NEDD4: variants seen among roughly 807,000 people sequenced by gnomAD.
The protein encoded by NEDD4 is NEDD4 E3 ubiquitin protein ligase, also known as E3 ubiquitin-protein ligase NEDD4.
NEDD4 carries 99 observed loss-of-function variants against 144.9 expected under a neutral mutation model. The observed-to-expected ratio is 0.68, with a 90% CI of 0.58 to 0.81. The LOEUF (loss-of-function observed/expected upper bound fraction) is 0.81. NEDD4 is among the 30% of genes least tolerant of loss of function. The pLI is 0.00. For missense variants in NEDD4, 985 were observed against 1,065.9 expected (o/e 0.92, Z 1.06); for synonymous variants, 318 against 350.6 (o/e 0.91, Z 1.04).
rs113222787 is a variant in NEDD4 at position 55,889,606 on chromosome 15, A to G, written c.292-15598T>C. 4.7e-3 allele frequency among the ~76,000 whole-genome samples: 714 copies of G among 152,330 alleles called. 2 individuals are homozygous for G. The highest frequency in any genetic ancestry group is 7.7e-3 in the Non-Finnish European group (527 of 68,030). ...GGGTAGGGAGAAGTAGAGATAAGTAATGGCTACACAAAAAAGAATAAATAA... is the reference window on the plus strand; with the variant it reads ...GGGTAGGGAGAAGTAGAGATAAGTAGTGGCTACACAAAAAAGAATAAATAA... On this transcript the variant is annotated intron_variant, in intron 5 of 28. Coordinates refer to ENST00000435532, the MANE Select transcript of NEDD4 (RefSeq NM_006154.4).
intron 5 of NEDD4, among the ~76,000 whole-genome samples, chr15:55,908,653 C>T (rs1307483324): frequency 3.9e-5 from 6 of 152,176 alleles, no homozygotes; most frequent in African/African-American, 2.4e-5. Flanking sequence ...TTAATAAGAT[C>T]GCCATGTTAT....
intron 5 of NEDD4, among the ~76,000 whole-genome samples, chr15:55,910,998 G>A (rs2036254226): frequency 6.6e-6 from 1 of 151,974 alleles, no homozygotes; most frequent in Non-Finnish European, 1.5e-5. Flanking sequence ...GGCCTAATCG[G>A]ACTCTGACCC....
intron 4 of NEDD4, among the ~76,000 whole-genome samples, chr15:55,948,525 G>A (rs1208859454): frequency 6.6e-6 from 1 of 152,154 alleles, no homozygotes; most frequent in Non-Finnish European, 1.5e-5. Flanking sequence ...AACAAAGCTG[G>A]AGGCATCATG....
chr15:55,923,588 A>C (rs1485815030), intron 5 of NEDD4, among the ~76,000 whole-genome samples: 2 of 150,810 alleles, frequency 1.3e-5, no homozygotes, highest in African/African-American at 4.9e-5. Flanking sequence ...CGGAGGTTGC[A>C]GTGAGTTGAG....
intron 7 of NEDD4, among the ~76,000 whole-genome samples, 160 bp from the exon 8 acceptor site, chr15:55,869,841 G>T (rs2034713794): frequency 6.8e-6 from 1 of 145,986 alleles, no homozygotes. Context: ...AGGAATAGAA[G>T]GTAGAGAAAA....
intron 7 of NEDD4, among the ~76,000 whole-genome samples, chr15:55,871,801 T>A (rs1178367489): frequency 1.3e-5 from 2 of 152,192 alleles, no homozygotes; most frequent in African/African-American, 4.8e-5. Flanking sequence ...CTGCTTTAGT[T>A]TGACCTTTTT....
chr15:55,879,796 G>A (rs948953305), intron 5 of NEDD4, among the ~76,000 whole-genome samples: 2 of 152,052 alleles, frequency 1.3e-5, no homozygotes, highest in African/African-American at 2.4e-5. Context: ...AGAGTTAGAA[G>A]ATAGAGTTAA....
chr15:55,879,295 T>G (rs950659701), intron 5 of NEDD4, among the ~76,000 whole-genome samples: 2 of 152,146 alleles, frequency 1.3e-5, no homozygotes, highest in Non-Finnish European at 2.9e-5. Context: ...CCTCTCCAAC[T>G]CCTTTGTTTC....
At chr15:55,869,791 G>A in intron 7 of NEDD4, 110 bp from the exon 8 acceptor site, 2 of 660,976 alleles carry the variant, frequency 3.0e-6, no homozygotes, top group Non-Finnish European at 5.1e-6. Flanking sequence ...TACAAAGGGA[G>A]GTTCAAAGAC....
intron 5 of NEDD4, among the ~76,000 whole-genome samples, chr15:55,898,431 C>T (rs8027843): frequency 0.42 from 63,383 of 151,936 alleles, 13,389 homozygotes; most frequent in East Asian, 0.48. Context: ...TTTCAGTCTA[C>T]AGACTTTACT....
intron 5 of NEDD4, among the ~76,000 whole-genome samples, chr15:55,914,684 T>A (rs2036379535): frequency 6.6e-6 from 1 of 152,024 alleles, no homozygotes; most frequent in Admixed American, 6.6e-5. Flanking sequence ...AAATGCCATT[T>A]ATTTTTCCTC....
intron 9 of NEDD4, among the ~76,000 whole-genome samples, 189 bp downstream of exon 9, chr15:55,862,724 T>C (rs1281529047): frequency 1.3e-5 from 2 of 152,152 alleles, no homozygotes; most frequent in African/African-American, 2.4e-5. Context: ...ATTTTGAATA[T>C]TATCAAGTCA....
intron 19 of NEDD4, among the ~76,000 whole-genome samples, chr15:55,841,197 G>A (rs2033487517): frequency 6.6e-6 from 1 of 152,220 alleles, no homozygotes; most frequent in African/African-American, 2.4e-5. Flanking sequence ...CTCCCAAAGT[G>A]GTGGGATTAC....
intron 5 of NEDD4, among the ~76,000 whole-genome samples, chr15:55,923,429 C>T (rs1434485950): frequency 4.6e-5 from 7 of 151,332 alleles, no homozygotes; most frequent in East Asian, 4.0e-4. Flanking sequence ...AGGCGGATCA[C>T]GAGATCAGGA....
chr15:55,944,319 C>T lies in NEDD4; in HGVS notation c.237+7057G>A, dbSNP rs567581233. Among the ~76,000 whole-genome samples the T allele has an allele frequency of 7.2e-5, 11 of 152,344 alleles. No homozygotes were observed. The East Asian group carries it at 2.1e-3, about 29-fold the overall frequency. ...CTTTTCCCATGGTCTTATCAACTGG[C>T]AGACCAGGAGATTCTCTCCCATGCC... On this transcript the variant is annotated intron_variant, in intron 4 of 28. Coordinates refer to ENST00000435532, the MANE Select transcript of NEDD4 (RefSeq NM_006154.4).
At chr15:55,969,778 C>T (rs957040336) in intron 1 of NEDD4, among the ~76,000 whole-genome samples, 8 of 152,084 alleles carry the variant, frequency 5.3e-5, no homozygotes, top group African/African-American at 1.7e-4. Flanking sequence ...GCAGTTGCCA[C>T]AGGCCTTGGG....
At chr15:55,892,676 T>G (rs1177867759) in intron 5 of NEDD4, among the ~76,000 whole-genome samples, 1 of 152,216 alleles carries the variant, frequency 6.6e-6, no homozygotes, top group Non-Finnish European at 1.5e-5. Context: ...TTTTACCCTC[T>G]GTCCTTGCAA....
At chr15:55,951,687 G>A in intron 2 of NEDD4, 98 bp from the exon 3 acceptor site, 1 of 858,962 alleles carries the variant, frequency 1.2e-6, no homozygotes, top group Non-Finnish European at 1.6e-6. Context: ...TTCCTTGTTA[G>A]TTATATCTAC....
At chr15:55,932,285 T>G (rs918484504) in intron 4 of NEDD4, among the ~76,000 whole-genome samples, 3 of 152,168 alleles carry the variant, frequency 2.0e-5, no homozygotes, top group African/African-American at 7.2e-5. Flanking sequence ...AAGGATACAG[T>G]AACCAAAACA....
Sources: gnomAD v4.1 joint callset for allele counts (sites outside exome capture counted in the v4.1 genomes callset) on GRCh38, gnomAD v4.1.1 for gene constraint, MANE v1.5 for transcripts, NCBI Gene and HGNC (gene_info 2026-07-23, HGNC 2026-07-21) for gene names.